Variants in MAGI2 observed in about 807,000 individuals in gnomAD.
The protein encoded by MAGI2 is membrane-associated guanylate kinase, WW and PDZ domain-containing protein 2.
In MAGI2, 35 loss-of-function variants were observed where a neutral mutation model predicts 133.3. The ratio of observed to expected loss-of-function variants is 0.26; its 90% CI spans 0.20 to 0.35. The LOEUF is 0.35. MAGI2 is among the 10% of genes least tolerant of loss of function. MAGI2 has a pLI of 1.00. For synonymous variants in MAGI2, 729 were observed against 710.6 expected (o/e 1.03, Z -0.41); for missense variants, 1,636 against 1,863.4 (o/e 0.88, Z 2.25).
chr7:78,350,176 G>C (rs148248110), intron 7 of MAGI2: 2 of 152,122 alleles, frequency 1.3e-5, no homozygotes, highest in African/African-American at 4.8e-5. Context: ...AGTGGCAAAG[G>C]ACTCAGGATA....
At chr7:78,868,054 A>T (rs767137107) in intron 2 of MAGI2, among the ~76,000 whole-genome samples, 7 of 152,234 alleles carry the variant, frequency 4.6e-5, no homozygotes, top group African/African-American at 1.7e-4. Context: ...AATTCAAAGC[A>T]GAGTATTAAT....
chr7:78,906,683 A>G (rs1798012844), intron 2 of MAGI2, among the ~76,000 whole-genome samples: 1 of 151,450 alleles, frequency 6.6e-6, no homozygotes, highest in African/African-American at 2.4e-5. Context: ...AAGGAGGCTG[A>G]GTTGTAGCCA....
intron 2 of MAGI2, among the ~76,000 whole-genome samples, chr7:78,692,723 G>C (rs1161063181): frequency 6.6e-6 from 1 of 151,914 alleles, no homozygotes. Context: ...AATAAATCCG[G>C]AACAAAAAAC....
chr7:79,201,699 T>A (rs1316223334), intron 1 of MAGI2, among the ~76,000 whole-genome samples: 1 of 151,904 alleles, frequency 6.6e-6, no homozygotes, highest in Non-Finnish European at 1.5e-5. Context: ...TCAGAAAAAC[T>A]CCCTTTTTAA....
rs1170498562 is a variant in MAGI2, at chr7:79,298,963, AAATAAATTT to A, written c.301+154048_301+154056del. On this transcript the variant is annotated intron_variant, in intron 1 of 21. Coordinates refer to ENST00000354212, the MANE Select transcript of MAGI2 (RefSeq NM_012301.4). ...GCTTCTAATCTCCAAAATTGTGAGAAAATAAATTTCTGTTGTATAAGCCACCCCATGGTA... is the reference window on the plus strand; with the variant it reads ...GCTTCTAATCTCCAAAATTGTGAGAACTGTTGTATAAGCCACCCCATGGTA... 2.6e-5 allele frequency among the ~76,000 whole-genome samples: 4 copies of A among 152,316 alleles called. No homozygotes were observed. In the East Asian group the frequency reaches 7.7e-4, roughly 29 times the overall value.
intron 6 of MAGI2, among the ~76,000 whole-genome samples, chr7:78,427,659 CAA>C (rs1166524882): frequency 5.8e-4 from 40 of 69,494 alleles, no homozygotes; most frequent in African/African-American, 1.4e-3. Flanking sequence ...AACAAAAAGA[CAA>C]AAAAAAAAAA....
chr7:78,784,970 TG>T (rs1826692327), intron 2 of MAGI2, among the ~76,000 whole-genome samples: 2 of 152,196 alleles, frequency 1.3e-5, no homozygotes, highest in South Asian at 4.1e-4. Context: ...TAAAGGTTCT[TG>T]TTAGGCGTGC....
rs1798216473 is a variant in MAGI2 at position 78,909,343 on chromosome 7, C to T, written c.418+97747G>A. 3.3e-5 allele frequency among the ~76,000 whole-genome samples: 5 copies of T among 151,146 alleles called. No homozygotes were observed. In the South Asian group the frequency reaches 1.0e-3, roughly 32 times the overall value. ...GCGCGGTGGCTCACGCCTGTAATCCCAGCACTTTGGGAGGCTGAGGTGGGT... is the reference window on the plus strand; with the variant it reads ...GCGCGGTGGCTCACGCCTGTAATCCTAGCACTTTGGGAGGCTGAGGTGGGT... On this transcript the variant is annotated intron_variant, in intron 2 of 21. Coordinates refer to ENST00000354212, the MANE Select transcript of MAGI2 (RefSeq NM_012301.4).
intron 10 of MAGI2, among the ~76,000 whole-genome samples, chr7:78,239,067 C>T (rs1487516257): frequency 6.6e-6 from 1 of 152,102 alleles, no homozygotes; most frequent in Non-Finnish European, 1.5e-5. Flanking sequence ...ACAGCTTGCT[C>T]ACTCACTTTC....
intron 2 of MAGI2, among the ~76,000 whole-genome samples, chr7:78,678,573 C>T (rs894945537): frequency 1.3e-5 from 2 of 152,062 alleles, no homozygotes; most frequent in East Asian, 3.9e-4. Context: ...CATTTAATTC[C>T]TTTAGTATTT....
chr7:78,603,085 T>G (rs889595945), intron 3 of MAGI2, among the ~76,000 whole-genome samples: 1 of 150,932 alleles, frequency 6.6e-6, no homozygotes, highest in African/African-American at 2.5e-5. Flanking sequence ...TGGGACTCAT[T>G]CTTTTTGTCA....
chr7:79,178,416 A>G (rs746131323), intron 1 of MAGI2, among the ~76,000 whole-genome samples: 1 of 151,966 alleles, frequency 6.6e-6, no homozygotes, highest in Non-Finnish European at 1.5e-5. Context: ...ATATAAATGT[A>G]AACATATTAA....
At chr7:78,503,021 T>C (rs1431769981) in intron 4 of MAGI2, among the ~76,000 whole-genome samples, 1 of 152,110 alleles carries the variant, frequency 6.6e-6, no homozygotes, top group Non-Finnish European at 1.5e-5. Context: ...AAGGCAACTT[T>C]AGCAGCTTCC....
chr7:78,657,851 TC>T lies in MAGI2; in HGVS notation c.419-30613del, dbSNP rs566767621. ...GTGTTCAGCAATTATAACAAATGTA[TC>T]CCTCCAGTGGGTGACGTTAATCATG... On this transcript the variant is annotated intron_variant, in intron 2 of 21. Coordinates refer to ENST00000354212, the MANE Select transcript of MAGI2 (RefSeq NM_012301.4). Among the ~76,000 whole-genome samples the T allele has an allele frequency of 1.6e-3, 245 of 152,284 alleles. 1 individual carries two copies. Among genetic ancestry groups the T allele is most frequent in the African/African-American group, 5.5e-3 (227 of 41,558 alleles).
rs1319789703 is a variant in MAGI2 at position 78,268,754 on chromosome 7, C to T, written c.1409-12173G>A. ...TGTGTATCTAATTTACATTTGACTG[C>T]TTGAACTGAAAAGTATTACATAATG... On this transcript the variant is annotated intron_variant, in intron 9 of 21. Transcript: ENST00000354212. 2.0e-5 allele frequency among the ~76,000 whole-genome samples: 3 copies of T among 152,198 alleles called. No homozygotes were observed. In the East Asian group the frequency reaches 5.8e-4, roughly 29 times the overall value.
intron 2 of MAGI2, among the ~76,000 whole-genome samples, chr7:78,726,114 T>C (rs1585205438): frequency 6.6e-6 from 1 of 152,240 alleles, no homozygotes; most frequent in East Asian, 1.9e-4. Flanking sequence ...AGATGAAAAA[T>C]TAATGTATTC....
At chr7:79,379,829 C>CTT (rs34699264) in intron 1 of MAGI2, among the ~76,000 whole-genome samples, 5 of 142,812 alleles carry the variant, frequency 3.5e-5, no homozygotes, top group East Asian at 2.0e-4. Context: ...CTCCCCCCAA[C>CTT]TTTTTTTTTT....
chr7:79,211,524 G>C (rs1205453148), intron 1 of MAGI2, among the ~76,000 whole-genome samples: 3 of 151,438 alleles, frequency 2.0e-5, no homozygotes, highest in Non-Finnish European at 4.4e-5. Context: ...GAACTCCTGG[G>C]CTCAAGCAAT....
intron 1 of MAGI2, among the ~76,000 whole-genome samples, chr7:79,276,776 C>A (rs1482376179): frequency 6.6e-6 from 1 of 152,076 alleles, no homozygotes. Context: ...CCAACCTGGA[C>A]AACATGGCGA....
Sources: gnomAD v4.1 joint callset for allele counts (sites outside exome capture counted in the v4.1 genomes callset) on GRCh38, gnomAD v4.1.1 for gene constraint, MANE v1.5 for transcripts, NCBI Gene and HGNC (gene_info 2026-07-23, HGNC 2026-07-21) for gene names.